GRM3: variants seen among roughly 807,000 people sequenced by gnomAD.
The protein encoded by GRM3 is glutamate metabotropic receptor 3, also known as metabotropic glutamate receptor 3.
Under a neutral mutation model 70.5 loss-of-function variants are expected in GRM3, and 26 were observed. The observed-to-expected ratio is 0.37, with a 90% CI of 0.27 to 0.51. The LOEUF (loss-of-function observed/expected upper bound fraction) is 0.51. Ranked by LOEUF, GRM3 falls within the 20% of genes least tolerant of loss-of-function variation. The pLI is 0.93. For synonymous variants in GRM3, 443 were observed against 434.9 expected, an observed-to-expected ratio of 1.02 and a Z score of -0.23; for missense variants, 859 against 1,123.8, an observed-to-expected ratio of 0.76 and a Z score of 3.37.
intron 3 of GRM3, among the ~76,000 whole-genome samples, chr7:86,822,071 T>C (rs1798132532): frequency 6.6e-6 from 1 of 152,090 alleles, no homozygotes; most frequent in Non-Finnish European, 1.5e-5. Flanking sequence ...ATTGTGCCTA[T>C]GTTGAATAAC....
In GRM3 at chr7:86,764,988, T is replaced by A. The variant is rs1293157524; in HGVS notation, c.-140-18T>A. On this transcript the variant is annotated intron_variant, in intron 1 of 5. Coordinates refer to ENST00000361669, the MANE Select transcript of GRM3 (RefSeq NM_000840.3). Reference sequence around the variant, plus strand: ...GCTTTCTTTACCATTTTTGTTCATATAATTTTTATCTCTTTAGGAATTTTG... The same window carrying A: ...GCTTTCTTTACCATTTTTGTTCATAAAATTTTTATCTCTTTAGGAATTTTG... The A allele has an allele frequency of 2.1e-6, 3 of 1,441,808 alleles. No homozygotes were observed. The highest frequency in any genetic ancestry group is 2.7e-6 in the Non-Finnish European group (3 of 1,102,846). 89.3% of individuals were successfully genotyped at this position (1,441,808 alleles called of 1,614,324 possible).
intron 1 of GRM3, among the ~76,000 whole-genome samples, chr7:86,684,565 C>A (rs1794516408): frequency 6.6e-6 from 1 of 152,150 alleles, no homozygotes; most frequent in Non-Finnish European, 1.5e-5. Flanking sequence ...TCCTTAATTT[C>A]CCTCTTTCCC....
At chr7:86,863,780 A>G (rs1799004939) in intron 5 of GRM3, among the ~76,000 whole-genome samples, 1 of 152,148 alleles carries the variant, frequency 6.6e-6, no homozygotes, top group African/African-American at 2.4e-5. Context: ...GATTTTGCAC[A>G]TTGTATTTAA....
chr7:86,851,525 G>C (rs1378085254), intron 5 of GRM3, among the ~76,000 whole-genome samples: 2 of 152,146 alleles, frequency 1.3e-5, no homozygotes, highest in Non-Finnish European at 2.9e-5. Context: ...GACAGAAAGT[G>C]ACAGAGACAA....
At chr7:86,748,918 G>A (rs572970657) in intron 1 of GRM3, among the ~76,000 whole-genome samples, 3 of 152,142 alleles carry the variant, frequency 2.0e-5, no homozygotes, top group South Asian at 2.1e-4. Context: ...TGAATTCCAA[G>A]ACAGAGGTCC....
chr7:86,787,223 A>G, intron 3 of GRM3, 107 bp downstream of exon 3: 1 of 944,560 alleles, frequency 1.1e-6, no homozygotes, highest in Admixed American at 2.3e-5. Context: ...AAAGCCATAA[A>G]AAGGGTTCAA....
chr7:86,699,783 A>T (rs1178935239), intron 1 of GRM3, among the ~76,000 whole-genome samples: 1 of 151,988 alleles, frequency 6.6e-6, no homozygotes, highest in African/African-American at 2.4e-5. Context: ...TGCAGAGAAA[A>T]AGTTATGCGT....
chr7:86,842,365 C>G (rs1798573387), intron 4 of GRM3, among the ~76,000 whole-genome samples: 1 of 152,110 alleles, frequency 6.6e-6, no homozygotes, highest in Admixed American at 6.6e-5. Flanking sequence ...AACGTAAGCC[C>G]AAATTCCCAT....
chr7:86,666,400 C>T (rs11974971), intron 1 of GRM3, among the ~76,000 whole-genome samples: 5,606 of 152,030 alleles, frequency 0.037, 343 homozygotes, highest in African/African-American at 0.13. Flanking sequence ...ACATACTTAA[C>T]CTTAAAGGTA....
At chr7:86,787,192 C>A in intron 3 of GRM3, 76 bp downstream of exon 3, 1 of 1,160,976 alleles carries the variant, frequency 8.6e-7, no homozygotes, top group Non-Finnish European at 1.2e-6. Context: ...CCTCTGTGCC[C>A]AATTCAGAAA....
intron 1 of GRM3, among the ~76,000 whole-genome samples, chr7:86,757,558 G>A (rs537695370): frequency 2.6e-4 from 39 of 152,242 alleles, no homozygotes; most frequent in Admixed American, 4.6e-4. Context: ...TGTCTGCCAG[G>A]CCTCACTGAG....
intron 1 of GRM3, among the ~76,000 whole-genome samples, chr7:86,742,522 T>C (rs1398214041): frequency 1.3e-5 from 2 of 151,988 alleles, no homozygotes; most frequent in Non-Finnish European, 2.9e-5. Context: ...GAAAATACAA[T>C]CTGCCATACC....
chr7:86,707,674 A>G (rs888107688), intron 1 of GRM3, among the ~76,000 whole-genome samples: 2 of 152,108 alleles, frequency 1.3e-5, no homozygotes, highest in Admixed American at 1.3e-4. Context: ...GAATGGGTTC[A>G]TTATTATTAC....
intron 1 of GRM3, among the ~76,000 whole-genome samples, chr7:86,737,428 A>C (rs2237550): frequency 0.33 from 50,677 of 152,064 alleles, 9,177 homozygotes; most frequent in African/African-American, 0.48. Context: ...CTGTTTCTGG[A>C]ACTGACTGAA....
At chr7:86,793,373 G>A (rs1228585718) in intron 3 of GRM3, among the ~76,000 whole-genome samples, 1 of 152,188 alleles carries the variant, frequency 6.6e-6, no homozygotes, top group Non-Finnish European at 1.5e-5. Flanking sequence ...CAGTGAGGAA[G>A]CCAAAATGGT....
intron 1 of GRM3, among the ~76,000 whole-genome samples, chr7:86,651,934 A>G (rs562087716): frequency 7.9e-5 from 12 of 152,374 alleles, no homozygotes; most frequent in Non-Finnish European, 1.5e-4. Flanking sequence ...ACTAAAGAAC[A>G]TATAGTTCTA....
chr7:86,826,883 C>T (rs1405017417), intron 3 of GRM3, among the ~76,000 whole-genome samples: 1 of 152,118 alleles, frequency 6.6e-6, no homozygotes, highest in Non-Finnish European at 1.5e-5. Flanking sequence ...ATAATATATG[C>T]AAGTGTCAAG....
At chr7:86,739,615 T>C (rs979273767) in intron 1 of GRM3, among the ~76,000 whole-genome samples, 1 of 152,160 alleles carries the variant, frequency 6.6e-6, no homozygotes, top group Non-Finnish European at 1.5e-5. Context: ...AAGGCAAATT[T>C]ATAAAGACTG....
rs185236143 is a variant in GRM3, at chr7:86,765,340, G to T, written c.195G>T (p.Gly65=). ...GTGGGCGAATCAATGAAGACCGAGG[G>T]ATTCAACGCCTGGAAGCCATGTTGT... ...EECGRINEDR[G]IQRLEAMLFA... The change falls in exon 2 of 6, where the codon GGG becomes GGT. Residue 65 remains glycine, a synonymous_variant. Transcript: ENST00000361669. The T allele has an allele frequency of 3.2e-4, 509 of 1,613,924 alleles. 2 individuals carry two copies. The highest frequency in any genetic ancestry group is 9.9e-4 in the Middle Eastern group (6 of 6,056).
Sources: allele counts gnomAD v4.1 joint callset (sites outside exome capture counted in the v4.1 genomes callset), GRCh38; gene constraint gnomAD v4.1.1; transcripts MANE v1.5; gene names NCBI Gene and HGNC (gene_info 2026-07-23, HGNC 2026-07-21).